PIP4K2A: variants seen among roughly 807,000 people sequenced by gnomAD.
PIP4K2A encodes the protein phosphatidylinositol 5-phosphate 4-kinase type-2 alpha.
PIP4K2A carries 14 observed loss-of-function variants against 42.9 expected under a neutral mutation model. That is an observed-to-expected ratio of 0.33 (90% CI 0.22 to 0.51). The LOEUF (loss-of-function observed/expected upper bound fraction) is 0.51, where lower values mean the gene tolerates loss of function less well. Ranked by LOEUF, PIP4K2A falls within the 20% of genes least tolerant of loss-of-function variation. The pLI is 0.97. For missense variants in PIP4K2A, 434 were observed against 519.8 expected, an observed-to-expected ratio of 0.83 and a Z score of 1.61; for synonymous variants, 192 against 192.2, an observed-to-expected ratio of 1.00 and a Z score of 0.01.
intron 6 of PIP4K2A, among the ~76,000 whole-genome samples, chr10:22,560,521 A>C (rs1836662824): frequency 6.6e-6 from 1 of 152,226 alleles, no homozygotes; most frequent in South Asian, 2.1e-4. Flanking sequence ...AATAGGTAAA[A>C]CGTCGGAGAC....
intron 4 of PIP4K2A, among the ~76,000 whole-genome samples, chr10:22,575,066 C>T (rs1837077769): frequency 1.3e-5 from 2 of 152,110 alleles, no homozygotes; most frequent in African/African-American, 4.8e-5. Flanking sequence ...CAAATCACTC[C>T]ACAGTTTAGC....
chr10:22,544,226 C>T lies in PIP4K2A; in HGVS notation c.793-2179G>A, dbSNP rs114459329. Reference sequence around the variant, plus strand: ...GTGATCATGGAACCTGCTTTCCCGTCAGAATGACCTGTGGGCCTGGGGTTT... The same window carrying T: ...GTGATCATGGAACCTGCTTTCCCGTTAGAATGACCTGTGGGCCTGGGGTTT... On this transcript the variant is annotated intron_variant, in intron 7 of 9. Coordinates refer to ENST00000376573, the MANE Select transcript of PIP4K2A (RefSeq NM_005028.5). 9.9e-3 allele frequency among the ~76,000 whole-genome samples: 1,503 copies of T among 151,548 alleles called. 23 individuals carry two copies. The highest frequency in any genetic ancestry group is 0.035 in the African/African-American group (1,429 of 41,230).
intron 1 of PIP4K2A, chr10:22,691,504 A>C (rs1013857788): frequency 1.3e-5 from 2 of 152,122 alleles, no homozygotes; most frequent in Non-Finnish European, 2.9e-5. Flanking sequence ...AGTTCTTATA[A>C]AGCTTTTTCA....
chr10:22,712,305 A>C (rs1833924060), intron 1 of PIP4K2A, among the ~76,000 whole-genome samples: 1 of 152,246 alleles, frequency 6.6e-6, no homozygotes, highest in South Asian at 2.1e-4. Context: ...CACAATTACA[A>C]GATTTTTTAA....
chr10:22,664,143 A>ACG lies in PIP4K2A; in HGVS notation c.144+50039_144+50040insCG, dbSNP rs1491437830. On this transcript the variant is annotated intron_variant, in intron 1 of 9. Coordinates refer to ENST00000376573, the MANE Select transcript of PIP4K2A (RefSeq NM_005028.5). The stretch of plus-strand genomic sequence containing the variant: ...TATATATATATACATATATATATAC[A>ACG]TATATATACACATATATATATATAC... Among the ~76,000 whole-genome samples, 34 of 27,880 alleles carry ACG rather than the reference A, an allele frequency of 1.2e-3. 1 individual carries two copies. The African/African-American group carries it at 0.013, about 10-fold the overall frequency. 18.3% of individuals were successfully genotyped at this position (27,880 alleles called of 152,430 possible). A position where few individuals can be genotyped will look rare whatever the true frequency, so the allele number is the denominator to read the frequency against.
At chr10:22,574,664 C>G (rs547108116) in intron 4 of PIP4K2A, among the ~76,000 whole-genome samples, 1 of 152,008 alleles carries the variant, frequency 6.6e-6, no homozygotes, top group South Asian at 2.1e-4. Context: ...TTTAAAGATG[C>G]CTCTTCCCTT....
At chr10:22,653,621 T>G (rs1019112158) in intron 1 of PIP4K2A, among the ~76,000 whole-genome samples, 3 of 152,102 alleles carry the variant, frequency 2.0e-5, no homozygotes, top group African/African-American at 7.2e-5. Flanking sequence ...CTAAAGTTAG[T>G]GGAGATTTGG....
chr10:22,586,129 A>T (rs892846789), intron 4 of PIP4K2A, among the ~76,000 whole-genome samples: 1 of 152,212 alleles, frequency 6.6e-6, no homozygotes, highest in African/African-American at 2.4e-5. Flanking sequence ...CAGAAATGTG[A>T]AAAGGATATT....
chr10:22,713,353 C>G (rs1015500280), intron 1 of PIP4K2A, among the ~76,000 whole-genome samples: 1 of 152,112 alleles, frequency 6.6e-6, no homozygotes, highest in Non-Finnish European at 1.5e-5. Flanking sequence ...AACTCGGGAC[C>G]CCCTCCGCCC....
At chr10:22,700,200 AC>A in intron 1 of PIP4K2A, among the ~76,000 whole-genome samples, 1 of 152,162 alleles carries the variant, frequency 6.6e-6, no homozygotes, top group East Asian at 1.9e-4. Context: ...AGCTGCTGAT[AC>A]TTGGAGGCAG....
At position 22,536,363 on chromosome 10, in the gene PIP4K2A, C is replaced by G. The variant is rs1014486783; in HGVS notation, c.*838G>C. 2.8e-6 allele frequency: 1 copy of G among 360,850 alleles called. No individual in the cohort carries two copies. The highest frequency in any genetic ancestry group is 4.9e-6 in the Non-Finnish European group (1 of 202,376). 22.4% of individuals were successfully genotyped at this position (360,850 alleles called of 1,614,324 possible). A position where few individuals can be genotyped will look rare whatever the true frequency, so the allele number is the denominator to read the frequency against. On this transcript the variant is annotated 3_prime_UTR_variant, in exon 10 of 10. Transcript: ENST00000376573. ...AACGTAAGGGTGAACAATGAAGGCT[C>G]CAGGCAAGAAAAGAGAAGTAAGCAG...
chr10:22,558,280 G>A (rs527406723), intron 6 of PIP4K2A, among the ~76,000 whole-genome samples: 6 of 152,136 alleles, frequency 3.9e-5, no homozygotes, highest in Admixed American at 2.0e-4. Context: ...CCCTTTTGCC[G>A]TGCTTGCAAA....
chr10:22,700,586 A>C (rs572740236), intron 1 of PIP4K2A, among the ~76,000 whole-genome samples: 2 of 152,244 alleles, frequency 1.3e-5, no homozygotes, highest in South Asian at 4.1e-4. Flanking sequence ...AACTCACAAA[A>C]AGGGTGCCTG....
intron 7 of PIP4K2A, among the ~76,000 whole-genome samples, chr10:22,548,387 T>G (rs1426847105): frequency 1.3e-5 from 2 of 152,200 alleles, no homozygotes; most frequent in African/African-American, 4.8e-5. Flanking sequence ...AACTGTAAAT[T>G]TGAACTGCTT....
rs1331435298 is a variant in PIP4K2A at position 22,604,672 on chromosome 10, G to T, written c.339+3255C>A. Among the ~76,000 whole-genome samples the T allele has an allele frequency of 3.9e-5, 6 of 152,090 alleles. No individual in the cohort carries two copies. The South Asian group carries it at 6.2e-4, about 16-fold the overall frequency. Reference sequence around the variant, plus strand: ...ATTGATAAGCTCAGAAAGAGAGTTGGTTTTTTTCCGATATACGCAGTCTTC... The same window carrying T: ...ATTGATAAGCTCAGAAAGAGAGTTGTTTTTTTTCCGATATACGCAGTCTTC... On this transcript the variant is annotated intron_variant, in intron 3 of 9. Coordinates refer to ENST00000376573, the MANE Select transcript of PIP4K2A (RefSeq NM_005028.5).
At chr10:22,653,341 C>T (rs549447498) in intron 1 of PIP4K2A, among the ~76,000 whole-genome samples, 1 of 152,250 alleles carries the variant, frequency 6.6e-6, no homozygotes, top group South Asian at 2.1e-4. Context: ...TTCTCCTCCA[C>T]CTCTTTCTAC....
At chr10:22,676,186 C>G (rs1839554506) in intron 1 of PIP4K2A, among the ~76,000 whole-genome samples, 1 of 152,098 alleles carries the variant, frequency 6.6e-6, no homozygotes, top group Admixed American at 6.5e-5. Flanking sequence ...GTCCCAGTAA[C>G]AGTGCTTTCA....
chr10:22,655,249 A>G (rs2130820253), intron 1 of PIP4K2A, among the ~76,000 whole-genome samples: 1 of 152,340 alleles, frequency 6.6e-6, no homozygotes, highest in South Asian at 2.1e-4. Flanking sequence ...TCTAAGGCAG[A>G]GGTCTGAAGA....
intron 6 of PIP4K2A, 22 bp from the exon 7 acceptor site, chr10:22,550,794 A>G (rs777020636): frequency 1.3e-5 from 18 of 1,407,250 alleles, no homozygotes; most frequent in Non-Finnish European, 1.8e-5. Flanking sequence ...GAGAAAAACA[A>G]TGACAAAGGC....
Sources: allele counts gnomAD v4.1 joint callset (sites outside exome capture counted in the v4.1 genomes callset), GRCh38; gene constraint gnomAD v4.1.1; transcripts MANE v1.5; gene names NCBI Gene and HGNC (gene_info 2026-07-23, HGNC 2026-07-21).